The following PRKN variants were observed in gnomAD, a reference collection of about 807,000 sequenced individuals.
The protein encoded by PRKN is parkin RBR E3 ubiquitin protein ligase.
A neutral mutation model predicts 59.5 loss-of-function variants in PRKN; 56 were observed. That is an observed-to-expected ratio of 0.94 (90% CI 0.76 to 1.18). The LOEUF (loss-of-function observed/expected upper bound fraction) is 1.18, where lower values mean the gene tolerates loss of function less well. PRKN is among the 50% of genes most tolerant of loss of function. The pLI is 0.00. For missense variants in PRKN, 657 were observed against 596.4 expected (o/e 1.10, Z -1.06); for synonymous variants, 250 against 222.1 (o/e 1.13, Z -1.12).
Position 162,727,723 on chromosome 6 carries a change from C to A in PRKN, c.-55G>T, listed in dbSNP as rs1249491775. 5 of 1,535,858 alleles carry A rather than the reference C, an allele frequency of 3.3e-6. No homozygotes were observed. Among genetic ancestry groups the A allele is most frequent in the Non-Finnish European group, 4.4e-6 (5 of 1,134,400 alleles). ...AGGAACAGGCCCATGCGCGCAGCGG[C>A]GCCAGCCGCGCCTCCCACCAGCGGC... On this transcript the variant is annotated 5_prime_UTR_variant, in exon 1 of 12. Coordinates refer to ENST00000366898, the MANE Select transcript of PRKN (RefSeq NM_004562.3).
chr6:162,672,544 T>C (rs1779363218), intron 1 of PRKN, among the ~76,000 whole-genome samples: 1 of 152,194 alleles, frequency 6.6e-6, no homozygotes, highest in Non-Finnish European at 1.5e-5. Context: ...AGGTTAATCA[T>C]TAAAACTGAT....
intron 7 of PRKN, among the ~76,000 whole-genome samples, chr6:161,719,309 G>A (rs1300309396): frequency 6.6e-6 from 1 of 151,950 alleles, no homozygotes; most frequent in Admixed American, 6.6e-5. Context: ...GAAGGAAAAA[G>A]GAGAAGAGAG....
At chr6:162,037,068 T>C (rs1363501127) in intron 5 of PRKN, among the ~76,000 whole-genome samples, 1 of 152,072 alleles carries the variant, frequency 6.6e-6, no homozygotes, top group Non-Finnish European at 1.5e-5. Flanking sequence ...AAAGTGGAAA[T>C]TGATGGAAAC....
intron 6 of PRKN, among the ~76,000 whole-genome samples, chr6:161,929,085 G>A (rs1779072791): frequency 6.6e-6 from 1 of 152,044 alleles, no homozygotes; most frequent in Non-Finnish European, 1.5e-5. Flanking sequence ...CAATCAACAG[G>A]TGAATGGATA....
intron 4 of PRKN, among the ~76,000 whole-genome samples, chr6:162,060,822 T>C (rs556359552): frequency 6.6e-6 from 1 of 152,238 alleles, no homozygotes; most frequent in Admixed American, 6.5e-5. Context: ...AAAAATGTTA[T>C]TTAATAGTAA....
At chr6:162,622,308 GT>G (rs1235274302) in intron 1 of PRKN, among the ~76,000 whole-genome samples, 3 of 121,522 alleles carry the variant, frequency 2.5e-5, no homozygotes, top group East Asian at 5.4e-4. Flanking sequence ...TTTTTGTTTT[GT>G]TTTTTTTTGG....
At chr6:162,686,855 A>C (rs113524732) in intron 1 of PRKN, among the ~76,000 whole-genome samples, 6 of 152,186 alleles carry the variant, frequency 3.9e-5, no homozygotes, top group African/African-American at 1.2e-4. Flanking sequence ...TGGGTTCTCT[A>C]TTCTGTTTCA....
Position 161,360,785 on chromosome 6 carries a change from A to G in PRKN, c.1168-580T>C, listed in dbSNP as rs1273103193. Reference sequence around the variant, plus strand: ...ATGAAGTCGATGTGCCAGAGAGGGCAGTGGGAGCTGTGAGTGAAGACTGTG... The same window carrying G: ...ATGAAGTCGATGTGCCAGAGAGGGCGGTGGGAGCTGTGAGTGAAGACTGTG... On this transcript the variant is annotated intron_variant, in intron 10 of 11. Transcript: ENST00000366898. This position sits in a 1 kb window ranked among gnomAD's most constrained non-coding sequence, Gnocchi z 5.1. 6.6e-6 allele frequency among the ~76,000 whole-genome samples: 1 copy of G among 152,174 alleles called. No homozygotes were observed.
intron 1 of PRKN, among the ~76,000 whole-genome samples, chr6:162,471,500 C>T (rs1791745112): frequency 6.6e-6 from 1 of 152,208 alleles, no homozygotes; most frequent in African/African-American, 2.4e-5. Flanking sequence ...GTTCTCCTTT[C>T]CTTTCTAACC....
At chr6:162,036,085 G>A (rs1044047146) in intron 5 of PRKN, among the ~76,000 whole-genome samples, 12 of 152,028 alleles carry the variant, frequency 7.9e-5, no homozygotes, top group African/African-American at 1.4e-4. Flanking sequence ...AGCACTTTGG[G>A]AGGCCGAGGC....
intron 5 of PRKN, among the ~76,000 whole-genome samples, chr6:162,033,185 G>A (rs1783706255): frequency 6.6e-6 from 1 of 152,132 alleles, no homozygotes; most frequent in Admixed American, 6.5e-5. Flanking sequence ...GTGTATCAGG[G>A]TCTAGGACAA....
rs571375226 is a variant in PRKN, at chr6:161,363,246, A to C, written c.1168-3041T>G. On this transcript the variant is annotated intron_variant, in intron 10 of 11. Transcript: ENST00000366898. The surrounding 1 kb of genome is among the most constrained non-coding windows in gnomAD (Gnocchi z 4.1). ...GATGGAGTGGGACTCTGTCTCAAAA[A>C]AACTTAACTGAGTATAAACTAAATA... Among the ~76,000 whole-genome samples the C allele has an allele frequency of 1.2e-4, 19 of 152,326 alleles. No individual in the cohort carries two copies. In the South Asian group the frequency reaches 3.5e-3, roughly 28 times the overall value.
intron 7 of PRKN, among the ~76,000 whole-genome samples, chr6:161,678,099 T>C (rs1785155687): frequency 6.6e-6 from 1 of 152,130 alleles, no homozygotes; most frequent in African/African-American, 2.4e-5. Context: ...TTTTGAATGG[T>C]ATTTTGTTTT....
chr6:162,066,033 G>A (rs966335755), intron 4 of PRKN, among the ~76,000 whole-genome samples: 46 of 152,222 alleles, frequency 3.0e-4, no homozygotes, highest in South Asian at 2.1e-4. Context: ...ATAAACATAC[G>A]TGTGCATGTG....
At chr6:161,609,185 A>C (rs1035444803) in intron 7 of PRKN, among the ~76,000 whole-genome samples, 3 of 152,184 alleles carry the variant, frequency 2.0e-5, no homozygotes, top group African/African-American at 7.2e-5. Flanking sequence ...GCTAGCTAGG[A>C]GATTGCATTT....
chr6:161,349,229 G>A lies in PRKN; in HGVS notation c.*870C>T, dbSNP rs1159037994. The A allele has an allele frequency of 1.8e-5, 4 of 221,148 alleles. No homozygotes were observed. The highest frequency in any genetic ancestry group is 1.2e-4 in the Admixed American group (2 of 17,352). The allele number at this position is 221,148 out of a possible 1,614,324, so 13.7% of individuals were successfully genotyped here. Reference sequence around the variant, plus strand: ...CACTTTATCTATTAAATTTACAGTGGAGCCAAATGTATTAGCAAAATCTCC... The same window carrying A: ...CACTTTATCTATTAAATTTACAGTGAAGCCAAATGTATTAGCAAAATCTCC... On this transcript the variant is annotated 3_prime_UTR_variant, in exon 12 of 12. Transcript: ENST00000366898. The surrounding 1 kb of genome is among the most constrained non-coding windows in gnomAD (Gnocchi z 5.5).
intron 6 of PRKN, among the ~76,000 whole-genome samples, chr6:161,795,182 C>A (rs533341588): frequency 5.1e-4 from 77 of 151,232 alleles, no homozygotes; most frequent in Non-Finnish European, 9.4e-4. Context: ...CCGTGCCTGG[C>A]CTAACTTAGT....
chr6:162,351,590 A>G (rs548629341), intron 2 of PRKN, among the ~76,000 whole-genome samples: 1 of 152,214 alleles, frequency 6.6e-6, no homozygotes, highest in Non-Finnish European at 1.5e-5. Context: ...AAAAAAGCAC[A>G]TGACTACACA....
In PRKN at chr6:162,450,374, T is replaced by A. The variant is rs897281985; in HGVS notation, c.8-6901A>T. Among the ~76,000 whole-genome samples the A allele has an allele frequency of 6.3e-3, 818 of 129,452 alleles. 8 individuals carry two copies. Among genetic ancestry groups the A allele is most frequent in the African/African-American group, 0.023 (762 of 33,622 alleles). The allele number at this position is 129,452 out of a possible 152,430, so 84.9% of individuals were successfully genotyped here. ...CCTGTGAATGTAAACGCCCCTGTGA[T>A]TGTAATCCCCCTGTGAATGTAAACG... is the stretch of plus-strand genomic sequence containing the variant. On this transcript the variant is annotated intron_variant, in intron 1 of 11. Coordinates refer to ENST00000366898, the MANE Select transcript of PRKN (RefSeq NM_004562.3).
Sources: gnomAD v4.1 joint callset for allele counts (sites outside exome capture counted in the v4.1 genomes callset) on GRCh38, gnomAD v4.1.1 for gene constraint, Gnocchi (gnomAD v3.1) non-coding constraint, MANE v1.5 for transcripts, NCBI Gene and HGNC (gene_info 2026-07-23, HGNC 2026-07-21) for gene names.